The following PDE11A variants were observed in gnomAD, a reference collection of about 807,000 sequenced individuals.
PDE11A encodes the protein phosphodiesterase 11A.
A neutral mutation model predicts 100.5 loss-of-function variants in PDE11A; 100 were observed. The observed-to-expected ratio is 1.00, with a 90% CI of 0.85 to 1.18. The LOEUF (loss-of-function observed/expected upper bound fraction) is 1.18, where lower values mean the gene tolerates loss of function less well. Ranked by LOEUF, PDE11A falls within the 50% of genes most tolerant of loss-of-function variation. The probability of loss-of-function intolerance (pLI) is 0.00; values close to 1 mark genes in which losing one functional copy is unlikely to be tolerated. For missense variants in PDE11A, 1,141 were observed against 1,152.6 expected, an observed-to-expected ratio of 0.99 and a Z score of 0.15; for synonymous variants, 381 against 420.8, an observed-to-expected ratio of 0.91 and a Z score of 1.16.
At chr2:177,980,892 T>TCTC (rs112650285) in intron 2 of PDE11A, among the ~76,000 whole-genome samples, 79,211 of 148,520 alleles carry the variant, frequency 0.53, 25,757 homozygotes, top group African/African-American at 0.84. Context: ...CAAGAGCAAT[T>TCTC]CTTTAAATAG....
intron 13 of PDE11A, among the ~76,000 whole-genome samples, chr2:177,709,176 C>T (rs1221253480): frequency 6.6e-6 from 1 of 152,112 alleles, no homozygotes; most frequent in Admixed American, 6.5e-5. Context: ...CCCGAAGGGG[C>T]TAAGCTAAGG....
chr2:178,060,666 G>A (rs186196805), intron 1 of PDE11A, among the ~76,000 whole-genome samples: 38 of 152,184 alleles, frequency 2.5e-4, no homozygotes, highest in Admixed American at 7.8e-4. Flanking sequence ...TCCCTTATGC[G>A]TCTGTTGTTA....
intron 1 of PDE11A, among the ~76,000 whole-genome samples, chr2:178,057,635 A>T (rs955137083): frequency 2.0e-5 from 3 of 152,166 alleles, no homozygotes; most frequent in Non-Finnish European, 2.9e-5. Flanking sequence ...TCACCACTGG[A>T]GTCACAGTCT....
chr2:177,777,342 T>C (rs779260042), intron 9 of PDE11A, among the ~76,000 whole-genome samples: 1 of 152,164 alleles, frequency 6.6e-6, no homozygotes, highest in African/African-American at 2.4e-5. Flanking sequence ...ATGGAGGCCA[T>C]TGAAGGAAAT....
intron 4 of PDE11A, among the ~76,000 whole-genome samples, chr2:177,884,684 A>G (rs1348168225): frequency 1.3e-5 from 2 of 152,196 alleles, no homozygotes; most frequent in African/African-American, 4.8e-5. Flanking sequence ...AATGTTTTGA[A>G]TCATAGGAGA....
At chr2:177,755,576 T>C (rs562544118) in intron 10 of PDE11A, among the ~76,000 whole-genome samples, 2 of 152,318 alleles carry the variant, frequency 1.3e-5, no homozygotes, top group Non-Finnish European at 2.9e-5. Flanking sequence ...TGTTTCCACC[T>C]GGATTTGATT....
At chr2:177,947,867 T>G (rs1293439260) in intron 2 of PDE11A, among the ~76,000 whole-genome samples, 2 of 152,002 alleles carry the variant, frequency 1.3e-5, no homozygotes, top group Non-Finnish European at 2.9e-5. Flanking sequence ...CATTACAAAT[T>G]TGAAAAACAC....
intron 2 of PDE11A, among the ~76,000 whole-genome samples, chr2:178,091,159 C>T (rs1435950151): frequency 6.6e-6 from 1 of 152,148 alleles, no homozygotes; most frequent in Non-Finnish European, 1.5e-5. Flanking sequence ...CAGCCTTGAC[C>T]TCCCAGGCTC....
chr2:177,886,389 A>G (rs1169988339), intron 4 of PDE11A, among the ~76,000 whole-genome samples: 2 of 152,162 alleles, frequency 1.3e-5, no homozygotes, highest in Non-Finnish European at 2.9e-5. Context: ...CCTCATTTCT[A>G]TTTTTGGCAT....
At chr2:177,850,197 G>A (rs1267579634) in intron 5 of PDE11A, among the ~76,000 whole-genome samples, 3 of 152,074 alleles carry the variant, frequency 2.0e-5, no homozygotes, top group South Asian at 4.1e-4. Flanking sequence ...ATATAGACCA[G>A]TGGAACAGAA....
chr2:178,038,695 C>G (rs1187980032), intron 1 of PDE11A, among the ~76,000 whole-genome samples: 4 of 152,130 alleles, frequency 2.6e-5, no homozygotes, highest in Admixed American at 6.5e-5. Flanking sequence ...TTCATACCAA[C>G]CATGAGTAGC....
intron 4 of PDE11A, among the ~76,000 whole-genome samples, chr2:177,880,713 T>C (rs1234303913): frequency 1.3e-5 from 2 of 152,196 alleles, no homozygotes; most frequent in Non-Finnish European, 2.9e-5. Context: ...TATATCATAA[T>C]TCTTAGGTTC....
intron 9 of PDE11A, among the ~76,000 whole-genome samples, chr2:177,778,936 T>A (rs58879679): frequency 2.7e-5 from 4 of 148,332 alleles, no homozygotes; most frequent in African/African-American, 1.0e-4. Context: ...AAAATATTTT[T>A]AAAAAATCTA....
At chr2:177,761,015 T>C (rs1212095999) in intron 10 of PDE11A, among the ~76,000 whole-genome samples, 1 of 152,174 alleles carries the variant, frequency 6.6e-6, no homozygotes, top group Non-Finnish European at 1.5e-5. Flanking sequence ...ATTAGGTGTT[T>C]TGAAGGTCAA....
intron 10 of PDE11A, among the ~76,000 whole-genome samples, chr2:177,763,773 G>T (rs1167826930): frequency 6.6e-6 from 1 of 152,172 alleles, no homozygotes; most frequent in African/African-American, 2.4e-5. Context: ...GCAAGAATTG[G>T]GCTCTTCCAG....
intron 2 of PDE11A, among the ~76,000 whole-genome samples, chr2:177,987,359 T>C (rs1422466783): frequency 1.3e-5 from 2 of 152,218 alleles, no homozygotes; most frequent in African/African-American, 2.4e-5. Flanking sequence ...TTTCCAACCA[T>C]TCAATTACCA....
chr2:177,914,497 C>G (rs1224839291), intron 2 of PDE11A, among the ~76,000 whole-genome samples: 1 of 152,170 alleles, frequency 6.6e-6, no homozygotes, highest in Non-Finnish European at 1.5e-5. Context: ...ATATATCATC[C>G]TGCCCATTTA....
At chr2:177,669,333 AAG>A (rs2080637735) in intron 18 of PDE11A, among the ~76,000 whole-genome samples, 158 bp downstream of exon 18, 1 of 152,216 alleles carries the variant, frequency 6.6e-6, no homozygotes, top group South Asian at 2.1e-4. Context: ...ACTTGGGAAT[AAG>A]AGTGTTTAGC....
chr2:177,794,879 G>A (rs192342042), intron 9 of PDE11A, among the ~76,000 whole-genome samples: 15 of 152,124 alleles, frequency 9.9e-5, no homozygotes, highest in African/African-American at 2.2e-4. Flanking sequence ...TCTGCCTCCC[G>A]GATTCAAGCT....
Sources: gnomAD v4.1 joint callset for allele counts (sites outside exome capture counted in the v4.1 genomes callset) on GRCh38, gnomAD v4.1.1 for gene constraint, MANE v1.5 for transcripts, NCBI Gene and HGNC (gene_info 2026-07-23, HGNC 2026-07-21) for gene names.